Variants in GRAMD4 observed in about 807,000 individuals in gnomAD.
GRAMD4 encodes the protein GRAM domain-containing protein 4.
Under a neutral mutation model 83.9 loss-of-function variants are expected in GRAMD4, and 25 were observed. That is an observed-to-expected ratio of 0.30 (90% CI 0.22 to 0.42). GRAMD4 has a LOEUF of 0.42. GRAMD4 is among the 10% of genes least tolerant of loss of function. GRAMD4 has a pLI of 1.00. For missense variants in GRAMD4, 593 were observed against 788.7 expected, an observed-to-expected ratio of 0.75 and a Z score of 2.97; for synonymous variants, 336 against 320.9, an observed-to-expected ratio of 1.05 and a Z score of -0.50.
At chr22:46,578,383 C>T (rs748876256) in intron 1 of GRAMD4, among the ~76,000 whole-genome samples, 10 of 152,100 alleles carry the variant, frequency 6.6e-5, no homozygotes, top group African/African-American at 1.9e-4. Context: ...CCTCCCTCAC[C>T]CTCCTGCTCT....
intron 1 of GRAMD4, among the ~76,000 whole-genome samples, chr22:46,594,504 G>A (rs1356725170): frequency 1.3e-5 from 2 of 152,128 alleles, no homozygotes; most frequent in African/African-American, 2.4e-5. Context: ...CTGGGGTAGG[G>A]GGAGGCTCCT....
chr22:46,585,442 C>T (rs1410676655), intron 1 of GRAMD4, among the ~76,000 whole-genome samples: 2 of 152,106 alleles, frequency 1.3e-5, no homozygotes, highest in African/African-American at 2.4e-5. Flanking sequence ...CGCCTGCCTC[C>T]ACCTCCCAAA....
rs1399875426 is a variant in GRAMD4, at chr22:46,677,284, C to G, written c.*33C>G. On this transcript the variant is annotated 3_prime_UTR_variant, in exon 19 of 19. Transcript: ENST00000406902. ...TTGCCCAGGACGTTGCTGGAATTTT[C>G]TTTTTCTTTTTCTTTTTCTTTTTTT... 1.9e-6 allele frequency: 3 copies of G among 1,551,914 alleles called. No homozygotes were observed. The highest frequency in any genetic ancestry group is 2.4e-5 in the South Asian group (2 of 82,620).
chr22:46,585,627 C>T (rs2081142243), intron 1 of GRAMD4, among the ~76,000 whole-genome samples: 1 of 152,240 alleles, frequency 6.6e-6, no homozygotes, highest in Non-Finnish European at 1.5e-5. Flanking sequence ...GTGCTGGCCT[C>T]TTATCACCTG....
chr22:46,579,712 G>C (rs971136825), intron 1 of GRAMD4, among the ~76,000 whole-genome samples: 11 of 152,106 alleles, frequency 7.2e-5, no homozygotes, highest in African/African-American at 2.4e-4. Flanking sequence ...ATGTTTCTCT[G>C]TTTGGGTATT....
intron 1 of GRAMD4, among the ~76,000 whole-genome samples, chr22:46,626,094 A>G (rs1394952520): frequency 1.3e-5 from 2 of 152,164 alleles, no homozygotes; most frequent in African/African-American, 4.8e-5. Flanking sequence ...GGCGAGTAGG[A>G]ACACGCTTTA....
chr22:46,661,964 T>C (rs761774768), intron 5 of GRAMD4, among the ~76,000 whole-genome samples: 11 of 152,240 alleles, frequency 7.2e-5, no homozygotes, highest in Non-Finnish European at 2.9e-5. Flanking sequence ...TAGTTCCCTG[T>C]ACCTGGGGGT....
intron 1 of GRAMD4, among the ~76,000 whole-genome samples, chr22:46,588,871 C>T (rs571776618): frequency 1.3e-5 from 2 of 152,246 alleles, no homozygotes; most frequent in South Asian, 2.1e-4. Context: ...CCTGTCATAG[C>T]TGTGGGGCCT....
chr22:46,591,117 C>G (rs2081203112), intron 1 of GRAMD4, among the ~76,000 whole-genome samples: 1 of 152,142 alleles, frequency 6.6e-6, no homozygotes, highest in African/African-American at 2.4e-5. Context: ...AGGCAAGAGC[C>G]CTGGAATGGC....
At chr22:46,597,088 C>T (rs1353829208) in intron 1 of GRAMD4, among the ~76,000 whole-genome samples, 1 of 152,278 alleles carries the variant, frequency 6.6e-6, no homozygotes, top group East Asian at 1.9e-4. Flanking sequence ...TGGGAATCGG[C>T]GGCCAGACCT....
intron 2 of GRAMD4, among the ~76,000 whole-genome samples, chr22:46,636,514 C>G (rs971393451): frequency 6.6e-6 from 1 of 152,240 alleles, no homozygotes; most frequent in Non-Finnish European, 1.5e-5. Flanking sequence ...CGCCTTATTC[C>G]TGGGCTGTGG....
intron 1 of GRAMD4, among the ~76,000 whole-genome samples, chr22:46,625,930 G>C (rs568533942): frequency 1.3e-5 from 2 of 152,394 alleles, no homozygotes; most frequent in African/African-American, 4.8e-5. Flanking sequence ...ACCTCAGTGT[G>C]ACCAGGTTTC....
intron 1 of GRAMD4, among the ~76,000 whole-genome samples, chr22:46,601,551 C>G (rs931590649): frequency 5.9e-5 from 9 of 151,972 alleles, no homozygotes; most frequent in Middle Eastern, 3.2e-3. Context: ...AATCTCAGCA[C>G]TTTGGGAGGC....
At chr22:46,666,507 C>G (rs1237111818) in intron 9 of GRAMD4, among the ~76,000 whole-genome samples, 2 of 150,198 alleles carry the variant, frequency 1.3e-5, no homozygotes, top group Non-Finnish European at 3.0e-5. Flanking sequence ...GTACCCAGAG[C>G]TAGGTCAGGA....
intron 3 of GRAMD4, among the ~76,000 whole-genome samples, chr22:46,654,332 A>G (rs943270470): frequency 1.3e-5 from 2 of 152,172 alleles, no homozygotes; most frequent in Non-Finnish European, 2.9e-5. Flanking sequence ...GGGCTCACGC[A>G]GTGGGTTCAC....
intron 2 of GRAMD4, among the ~76,000 whole-genome samples, chr22:46,628,356 G>C (rs768190926): frequency 1.3e-4 from 20 of 152,294 alleles, no homozygotes; most frequent in Non-Finnish European, 2.6e-4. Context: ...TCTGTGGCCG[G>C]GCCAAGCATG....
chr22:46,600,646 G>C (rs973221536), intron 1 of GRAMD4, among the ~76,000 whole-genome samples: 2 of 152,194 alleles, frequency 1.3e-5, no homozygotes, highest in Non-Finnish European at 2.9e-5. Flanking sequence ...TGTACACTCA[G>C]GTGCTAAGCC....
Position 46,672,833 on chromosome 22 carries a change from CT to C in GRAMD4, c.1085-9del. ...CTCTAGATGGAGCAGGCTGTGTCCC[CT>C]GCCCTCAGGACTCTATGCTGGTATC... is the stretch of plus-strand genomic sequence containing the variant. On this transcript the variant is annotated splice_polypyrimidine_tract_variant and intron_variant, in intron 13 of 18. Coordinates refer to ENST00000406902, the MANE Select transcript of GRAMD4 (RefSeq NM_015124.5). This position sits in a 1 kb window ranked among gnomAD's most constrained non-coding sequence, Gnocchi z 4.7. 6.2e-7 allele frequency: 1 copy of C among 1,608,752 alleles called. No homozygotes were observed. Among genetic ancestry groups the C allele is most frequent in the East Asian group, 2.2e-5 (1 of 44,864 alleles).
intron 3 of GRAMD4, among the ~76,000 whole-genome samples, chr22:46,645,608 A>G (rs987141960): frequency 2.0e-5 from 3 of 152,134 alleles, no homozygotes; most frequent in African/African-American, 7.2e-5. Flanking sequence ...GCAGAGTGTT[A>G]CTCTTCATGG....
Sources: gnomAD v4.1 joint callset for allele counts (sites outside exome capture counted in the v4.1 genomes callset) on GRCh38, gnomAD v4.1.1 for gene constraint, Gnocchi (gnomAD v3.1) non-coding constraint, MANE v1.5 for transcripts, NCBI Gene and HGNC (gene_info 2026-07-23, HGNC 2026-07-21) for gene names.